The following NEURL3 variants were observed in gnomAD, a reference collection of about 807,000 sequenced individuals.
The protein encoded by NEURL3 is E3 ubiquitin-protein ligase NEURL3.
NEURL3 carries 19 observed loss-of-function variants against 17.6 expected under a neutral mutation model. The ratio of observed to expected loss-of-function variants is 1.08; its 90% CI spans 0.75 to 1.58. NEURL3 has a LOEUF of 1.58. Among genes scored for constraint, NEURL3 ranks in the 40% most tolerant of loss-of-function variants. NEURL3 has a pLI of 0.00. For missense variants in NEURL3, 342 were observed against 379.6 expected (o/e 0.90, Z 0.82); for synonymous variants, 180 against 161.4 (o/e 1.11, Z -0.87).
rs3731937 is a variant in NEURL3, at chr2:96,500,559, A to G, written c.394T>C (p.Cys132Arg). 63,548 of 1,554,282 alleles carry G rather than the reference A, an allele frequency of 0.041. 4,125 individuals carry two copies. The highest frequency in any genetic ancestry group is 0.27 in the East Asian group (11,399 of 41,988). Residue 132 changes from cysteine (C) to arginine (R), a missense_variant, in exon 2 of 4, where the codon TGC (cysteine) becomes CGC (arginine). By Grantham distance (180) the Cys-to-Arg change is radical. Coordinates refer to ENST00000451794, the MANE Select transcript of NEURL3 (RefSeq NM_001285485.2). ...CCGGCGTTGACCTTGGCGAAGAGGC[A>G]GCCGCGGCGGTCCACCCAGAAGCGG... is the stretch of plus-strand genomic sequence containing the variant. Reference protein sequence around the residue: ...LVRFWVDRRGCLFAKVNAGCR... With the variant: ...LVRFWVDRRGRLFAKVNAGCR...
At chr2:96,501,379 A>G (rs1051661182) in intron 1 of NEURL3, among the ~76,000 whole-genome samples, 1 of 151,998 alleles carries the variant, frequency 6.6e-6, no homozygotes, top group Non-Finnish European at 1.5e-5. Context: ...ATATGCACCT[A>G]AAAATGACGG....
chr2:96,500,541 T>A lies in NEURL3; in HGVS notation c.412A>T (p.Asn138Tyr). ...CGCAGCAGGAGCCGGCAGCCGGCGT[T>A]GACCTTGGCGAAGAGGCAGCCGCGG... The part of the protein sequence containing the change: ...DRRGCLFAKV[N>Y]AGCRLLLREG... Residue 138 changes from asparagine (N) to tyrosine (Y), a missense_variant, in exon 2 of 4, where the codon AAC (asparagine) becomes TAC (tyrosine). Coordinates refer to ENST00000451794, the MANE Select transcript of NEURL3 (RefSeq NM_001285485.2). The A allele has an allele frequency of 6.4e-7, 1 of 1,571,190 alleles. No individual in the cohort carries two copies. Among genetic ancestry groups the A allele is most frequent in the African/African-American group, 1.3e-5 (1 of 74,312 alleles).
intron 2 of NEURL3, 133 bp from the exon 3 acceptor site, chr2:96,499,582 T>G: frequency 1.4e-6 from 1 of 717,606 alleles, no homozygotes; most frequent in Non-Finnish European, 2.3e-6. Context: ...CATCCCCAAA[T>G]TTTAAGACCC....
intron 1 of NEURL3, 24 bp from the exon 2 acceptor site, chr2:96,500,948 T>G: frequency 6.5e-7 from 1 of 1,536,610 alleles, no homozygotes; most frequent in Admixed American, 1.9e-5. Flanking sequence ...ATGGGGAGTG[T>G]CAGTGCTAAC....
intron 1 of NEURL3, chr2:96,504,564 A>G (rs1247241804): frequency 5.3e-5 from 8 of 152,216 alleles, no homozygotes; most frequent in African/African-American, 1.4e-4. Flanking sequence ...CACAACCCCA[A>G]TAGCTGGTGC....
intron 1 of NEURL3, among the ~76,000 whole-genome samples, chr2:96,502,418 C>A (rs2065518043): frequency 6.6e-6 from 1 of 152,202 alleles, no homozygotes; most frequent in Admixed American, 6.5e-5. Context: ...ATGGCTAACA[C>A]CCCCATTCCA....
Position 96,500,623 on chromosome 2 carries a change from G to C in NEURL3, c.330C>G (p.Ala110=). Residue 110 remains alanine, a synonymous_variant, in exon 2 of 4, where the codon GCC becomes GCG. Transcript: ENST00000451794. ...DLEEQSPTWA[A]VLPEGCALTG... ...TGAGCGCGCAGCCCTCAGGCAGCACGGCCGCCCACGTCGGGCTCTGCTCCT... is the reference window on the plus strand; with the variant it reads ...TGAGCGCGCAGCCCTCAGGCAGCACCGCCGCCCACGTCGGGCTCTGCTCCT... The C allele has an allele frequency of 6.6e-7, 1 of 1,518,390 alleles. No individual in the cohort carries two copies. Among genetic ancestry groups the C allele is most frequent in the Non-Finnish European group, 8.8e-7 (1 of 1,139,940 alleles). 94.1% of individuals were successfully genotyped at this position (1,518,390 alleles called of 1,614,324 possible).
chr2:96,506,215 CT>C (rs530778887), upstream of NEURL3, among the ~76,000 whole-genome samples: 97 of 149,330 alleles, frequency 6.5e-4, no homozygotes, highest in South Asian at 0.017. Flanking sequence ...GTGGACCCGA[CT>C]TTTTTTTTTG....
At position 96,500,864 on chromosome 2, in the gene NEURL3, C is replaced by A. The variant is rs1220334802; in HGVS notation, c.89G>T (p.Arg30Leu). 5 of 1,536,440 alleles carry A rather than the reference C, an allele frequency of 3.3e-6. No homozygotes were observed. Among genetic ancestry groups the A allele is most frequent in the Admixed American group, 3.9e-5 (2 of 51,646 alleles). Residue 30 changes from arginine to leucine, a missense_variant, in exon 2 of 4, where the codon CGT becomes CTT. Transcript: ENST00000451794. ...CGCGATGCAGCCACGCGTGTCCAGA[C>A]GCACCTGTGCGCCCTTGGCCTCGGC... ...FHAEAKGAQVRLDTRGCIAHR... is the reference protein window; with the variant it reads ...FHAEAKGAQVLLDTRGCIAHR...
At position 96,498,348 on chromosome 2, in the gene NEURL3, G is replaced by A. The variant is rs150189833; in HGVS notation, c.685C>T (p.Arg229Trp). ...CACTTGGCCGTATCGCTGAAGACCC[G>A]CCAGGCACAGTATCTGCAGAAGTAT... ...HTYFCRYCAWRVFSDTAKCPV... is the reference protein window; with the variant it reads ...HTYFCRYCAWWVFSDTAKCPV... Residue 229 changes from arginine (R) to tryptophan (W), a missense_variant, in exon 4 of 4, where the codon CGG becomes TGG. Transcript: ENST00000451794. This position sits in a 1 kb window ranked among gnomAD's most constrained non-coding sequence, Gnocchi z 4.4. The A allele has an allele frequency of 5.0e-6, 8 of 1,599,130 alleles. No individual in the cohort carries two copies. The highest frequency in any genetic ancestry group is 2.7e-5 in the African/African-American group (2 of 75,026).
chr2:96,500,326 G>A, intron 2 of NEURL3, 113 bp downstream of exon 2: 1 of 1,458,880 alleles, frequency 6.9e-7, no homozygotes, highest in Non-Finnish European at 9.3e-7. Flanking sequence ...CTGGGCAGGG[G>A]CTGATGGAAT....
At chr2:96,505,556 C>T (rs758579434), upstream of NEURL3, among the ~76,000 whole-genome samples, 2 of 152,186 alleles carry the variant, frequency 1.3e-5, no homozygotes, top group Non-Finnish European at 2.9e-5. Flanking sequence ...GTAGGTCTTA[C>T]GGTAGCCTTC....
chr2:96,502,618 A>T (rs1009559889), intron 1 of NEURL3, among the ~76,000 whole-genome samples: 2 of 152,246 alleles, frequency 1.3e-5, no homozygotes, highest in African/African-American at 4.8e-5. Flanking sequence ...TCTTGGCACA[A>T]CCAGCCACAA....
intron 2 of NEURL3, 48 bp from the exon 3 acceptor site, chr2:96,499,497 C>A (rs747248029): frequency 6.5e-6 from 10 of 1,536,190 alleles, no homozygotes; most frequent in Admixed American, 3.3e-5. Context: ...GCCCAGGTGC[C>A]CCCCCATCCC....
intron 1 of NEURL3, 23 bp downstream of exon 1, chr2:96,505,236 A>G: frequency 6.3e-7 from 1 of 1,599,018 alleles, no homozygotes; most frequent in Non-Finnish European, 8.5e-7. Flanking sequence ...ACCAAGCTCC[A>G]GGCTTGCAGG....
Position 96,500,508 on chromosome 2 carries a change from C to T in NEURL3, c.445G>A (p.Val149Met), listed in dbSNP as rs577970907. The T allele has an allele frequency of 5.7e-6, 9 of 1,590,538 alleles. No individual in the cohort carries two copies. In the South Asian group the frequency reaches 1.0e-4, roughly 18 times the overall value. ...GCCCAGAGCGGGGCGCCGACGGGCA[C>T]GCCCTCACGCAGCAGGAGCCGGCAG... ...AGCRLLLREG[V>M]PVGAPLWAVM... Residue 149 changes from valine (V) to methionine (M), a missense_variant, in exon 2 of 4, where the codon GTG (valine) becomes ATG (methionine). Physicochemically the swap from Val to Met is conservative, Grantham distance 21. Coordinates refer to ENST00000451794, the MANE Select transcript of NEURL3 (RefSeq NM_001285485.2).
intron 2 of NEURL3, 142 bp from the exon 3 acceptor site, chr2:96,499,591 C>G (rs1024807048): frequency 2.1e-5 from 14 of 658,050 alleles, no homozygotes; most frequent in Non-Finnish European, 3.7e-5. Flanking sequence ...ATTTTAAGAC[C>G]CTGTCCTGGC....
chr2:96,498,574 A>G lies in NEURL3; in HGVS notation c.587-128T>C. ...TTGAAGAATGTTACCTAGTGAGGAAATGCTTACAGTGTAATCAAGTGAAAA... is the reference window on the plus strand; with the variant it reads ...TTGAAGAATGTTACCTAGTGAGGAAGTGCTTACAGTGTAATCAAGTGAAAA... On this transcript the variant is annotated intron_variant, in intron 3 of 3. Coordinates refer to ENST00000451794, the MANE Select transcript of NEURL3 (RefSeq NM_001285485.2). This position sits in a 1 kb window ranked among gnomAD's most constrained non-coding sequence, Gnocchi z 4.4. 1 of 869,132 alleles carries G rather than the reference A, an allele frequency of 1.2e-6. No homozygotes were observed. Among genetic ancestry groups the G allele is most frequent in the Non-Finnish European group, 1.7e-6 (1 of 581,928 alleles). The allele number at this position is 869,132 out of a possible 1,614,324, so 53.8% of individuals were successfully genotyped here. A position where few individuals can be genotyped will look rare whatever the true frequency, so the allele number is the denominator to read the frequency against.
upstream of NEURL3, among the ~76,000 whole-genome samples, chr2:96,505,988 A>G (rs1356445083): frequency 6.6e-6 from 1 of 152,216 alleles, no homozygotes; most frequent in Non-Finnish European, 1.5e-5. Context: ...AGTCACTGCA[A>G]AGGTCTAGCT....
Sources: gnomAD v4.1 joint callset for allele counts (sites outside exome capture counted in the v4.1 genomes callset) on GRCh38, gnomAD v4.1.1 for gene constraint, Gnocchi (gnomAD v3.1) non-coding constraint, MANE v1.5 for transcripts, NCBI Gene and HGNC (gene_info 2026-07-23, HGNC 2026-07-21) for gene names.